The following ACO2 variants were observed in gnomAD, a reference collection of about 807,000 sequenced individuals.
The protein encoded by ACO2 is aconitase 2.
ACO2 carries 31 observed loss-of-function variants against 84.5 expected under a neutral mutation model. The observed-to-expected ratio is 0.37, with a 90% CI of 0.28 to 0.50. The LOEUF is 0.50. ACO2 is among the 20% of genes least tolerant of loss of function. The pLI is 0.97. For synonymous variants in ACO2, 414 were observed against 412.7 expected, an observed-to-expected ratio of 1.00 and a Z score of -0.04; for missense variants, 685 against 1,029.3, an observed-to-expected ratio of 0.67 and a Z score of 4.58.
At chr22:41,523,385 T>C in intron 11 of ACO2, 107 bp downstream of exon 11, 1 of 852,792 alleles carries the variant, frequency 1.2e-6, no homozygotes, top group East Asian at 2.6e-5. Flanking sequence ...CCAGCCAAGG[T>C]CTCTAGCTCC....
rs552040016 is a variant in ACO2, at chr22:41,502,677, C to T, written c.173+2815C>T. 5.9e-5 allele frequency among the ~76,000 whole-genome samples: 9 copies of T among 152,254 alleles called. No homozygotes were observed. The South Asian group carries it at 1.2e-3, about 21-fold the overall frequency. On this transcript the variant is annotated intron_variant, in intron 2 of 17. Coordinates refer to ENST00000216254, the MANE Select transcript of ACO2 (RefSeq NM_001098.3). ...AGGCTGGAGTGCAGTTGTGCAATCTCGGCTCACTGCAACCTCCACCTCCCA... is the reference window on the plus strand; with the variant it reads ...AGGCTGGAGTGCAGTTGTGCAATCTTGGCTCACTGCAACCTCCACCTCCCA...
intron 12 of ACO2, among the ~76,000 whole-genome samples, chr22:41,524,634 A>G (rs2066561503): frequency 6.6e-6 from 1 of 152,204 alleles, no homozygotes. Flanking sequence ...GAGAGGCCGC[A>G]CTGCCCTTGG....
intron 2 of ACO2, among the ~76,000 whole-genome samples, chr22:41,504,817 G>A (rs1208903348): frequency 6.8e-6 from 1 of 147,526 alleles, no homozygotes; most frequent in Non-Finnish European, 1.5e-5. Context: ...TTGACCTTCT[G>A]GGGTCAATCC....
chr22:41,515,761 G>C lies in ACO2; in HGVS notation c.685-6G>C, dbSNP rs748597339. 2 of 1,613,066 alleles carry C rather than the reference G, an allele frequency of 1.2e-6. No homozygotes were observed. Among genetic ancestry groups the C allele is most frequent in the African/African-American group, 2.7e-5 (2 of 74,910 alleles). ...TCTCACAGCCGCCTCGCCCCCTCCT[G>C]TCCAGGTGATTGGCGTGAAGCTGAC... On this transcript the variant is annotated splice_polypyrimidine_tract_variant and splice_region_variant and intron_variant, in intron 5 of 17. Coordinates refer to ENST00000216254, the MANE Select transcript of ACO2 (RefSeq NM_001098.3). This position sits in a 1 kb window ranked among gnomAD's most constrained non-coding sequence, Gnocchi z 5.8.
chr22:41,501,830 ACTT>A (rs1468341283), intron 2 of ACO2, among the ~76,000 whole-genome samples: 3 of 152,046 alleles, frequency 2.0e-5, no homozygotes, highest in Non-Finnish European at 4.4e-5. Flanking sequence ...AAGGGTAGGG[ACTT>A]CCTTAATCTG....
intron 17 of ACO2, chr22:41,528,271 A>C: frequency 1.2e-6 from 1 of 850,186 alleles, no homozygotes; most frequent in South Asian, 1.8e-5. Flanking sequence ...GGGACAGCCC[A>C]CCCACTGCAG....
In ACO2 at chr22:41,515,072, A is replaced by G. The variant is rs938677251; in HGVS notation, c.526-305A>G. On this transcript the variant is annotated intron_variant, in intron 4 of 17. Transcript: ENST00000216254. The surrounding 1 kb of genome is among the most constrained non-coding windows in gnomAD (Gnocchi z 5.8). Reference sequence around the variant, plus strand: ...CTGGTTCTTGTCACATCCTGGGGTCATGGTGGTATGGGTGTTTGGTTACTG... The same window carrying G: ...CTGGTTCTTGTCACATCCTGGGGTCGTGGTGGTATGGGTGTTTGGTTACTG... Among the ~76,000 whole-genome samples, 1 of 152,210 alleles carries G rather than the reference A, an allele frequency of 6.6e-6. No homozygotes were observed. The highest frequency in any genetic ancestry group is 1.5e-5 in the Non-Finnish European group (1 of 68,038).
chr22:41,506,335 CT>C (rs1475499938), intron 2 of ACO2, among the ~76,000 whole-genome samples: 1 of 152,022 alleles, frequency 6.6e-6, no homozygotes, highest in East Asian at 1.9e-4. Context: ...TCACTGCAAG[CT>C]CCGCCTCCCG....
chr22:41,528,222 T>G (rs1601939367), intron 17 of ACO2, 200 bp downstream of exon 17: 2 of 852,626 alleles, frequency 2.3e-6, no homozygotes, highest in Non-Finnish European at 3.5e-6. Flanking sequence ...CCCTCACACC[T>G]CCCCAACCTC....
chr22:41,516,279 C>T (rs1055740591), intron 6 of ACO2, among the ~76,000 whole-genome samples: 1 of 152,224 alleles, frequency 6.6e-6, no homozygotes, highest in African/African-American at 2.4e-5. Context: ...TGGGAATGGG[C>T]AGAGCCAGGG....
chr22:41,469,206 G>A (rs757018455), intron 1 of ACO2, 24 bp downstream of exon 1: 6 of 1,604,586 alleles, frequency 3.7e-6, no homozygotes, highest in South Asian at 1.1e-5. Flanking sequence ...GGGACCTCTG[G>A]GTTCACGGGG....
intron 1 of ACO2, among the ~76,000 whole-genome samples, chr22:41,483,109 T>C (rs530369802): frequency 6.6e-6 from 1 of 152,150 alleles, no homozygotes; most frequent in South Asian, 2.1e-4. Context: ...TGGGGGAAAG[T>C]GGAGGGCGAG....
intron 2 of ACO2, 55 bp downstream of exon 2, chr22:41,499,917 C>A: frequency 6.3e-7 from 1 of 1,595,390 alleles, no homozygotes; most frequent in Non-Finnish European, 8.6e-7. Flanking sequence ...CTGCTGCCTG[C>A]CCGTCAGGCA....
intron 3 of ACO2, among the ~76,000 whole-genome samples, chr22:41,509,791 G>C (rs998563036): frequency 2.1e-5 from 3 of 145,026 alleles, no homozygotes; most frequent in African/African-American, 7.6e-5. Flanking sequence ...TCCTAGAACA[G>C]TTTAAGCGGA....
Position 41,479,004 on chromosome 22 carries a change from G to A in ACO2, c.36+9822G>A, listed in dbSNP as rs75840190. ...CTCCTTGACCTTCTGCAGGGCATCT[G>A]TGGTTGTGGTATTTATAAGCACTCA... On this transcript the variant is annotated intron_variant, in intron 1 of 17. Transcript: ENST00000216254. Among the ~76,000 whole-genome samples, 897 of 152,260 alleles carry A rather than the reference G, an allele frequency of 5.9e-3. 5 individuals carry two copies. Among genetic ancestry groups the A allele is most frequent in the Non-Finnish European group, 0.01 (705 of 68,020 alleles).
At chr22:41,522,723 C>T (rs543551238) in intron 9 of ACO2, 107 bp from the exon 10 acceptor site, 1 of 1,319,994 alleles carries the variant, frequency 7.6e-7, no homozygotes, top group Non-Finnish European at 1.0e-6. Context: ...CTGGCCCAGC[C>T]CAGATGGTGA....
intron 1 of ACO2, among the ~76,000 whole-genome samples, chr22:41,492,362 C>T (rs1324713904): frequency 6.6e-6 from 1 of 152,142 alleles, no homozygotes; most frequent in Non-Finnish European, 1.5e-5. Context: ...TTAGGCCGGG[C>T]GTAGTGGCTC....
chr22:41,470,970 G>C (rs1398933854), intron 1 of ACO2, among the ~76,000 whole-genome samples: 1 of 152,228 alleles, frequency 6.6e-6, no homozygotes, highest in Non-Finnish European at 1.5e-5. Flanking sequence ...GAACTTGGAA[G>C]AGAAGAATAG....
intron 14 of ACO2, chr22:41,525,859 G>A (rs1255220375): frequency 5.0e-6 from 1 of 201,852 alleles, no homozygotes; most frequent in Non-Finnish European, 1.0e-5. Context: ...TGCTTATTAA[G>A]GGGTCTCCAG....
Sources: gnomAD v4.1 joint callset for allele counts (sites outside exome capture counted in the v4.1 genomes callset) on GRCh38, gnomAD v4.1.1 for gene constraint, Gnocchi (gnomAD v3.1) non-coding constraint, MANE v1.5 for transcripts, NCBI Gene and HGNC (gene_info 2026-07-23, HGNC 2026-07-21) for gene names.